Variants in KCNIP4 observed in about 807,000 individuals in gnomAD.
The protein encoded by KCNIP4 is potassium voltage-gated channel interacting protein 4.
In KCNIP4, 12 loss-of-function variants were observed where a neutral mutation model predicts 34.0. The observed-to-expected ratio is 0.35, with a 90% CI of 0.23 to 0.57. KCNIP4 has a LOEUF of 0.57. KCNIP4 is among the 20% of genes least tolerant of loss of function. The pLI is 0.83. For missense variants in KCNIP4, 238 were observed against 311.7 expected, an observed-to-expected ratio of 0.76 and a Z score of 1.78; for synonymous variants, 124 against 102.2, an observed-to-expected ratio of 1.21 and a Z score of -1.29.
intron 1 of KCNIP4, among the ~76,000 whole-genome samples, chr4:21,023,475 A>G (rs1740252138): frequency 6.6e-6 from 1 of 152,216 alleles, no homozygotes; most frequent in Non-Finnish European, 1.5e-5. Context: ...CAGCTTAATA[A>G]TCAAAAGAAA....
intron 1 of KCNIP4, among the ~76,000 whole-genome samples, chr4:21,274,841 G>A (rs1004991862): frequency 6.6e-6 from 1 of 151,712 alleles, no homozygotes; most frequent in Non-Finnish European, 1.5e-5. Flanking sequence ...TAAAGAGGAG[G>A]GTATCTTGCT....
intron 1 of KCNIP4, among the ~76,000 whole-genome samples, chr4:20,965,275 T>G (rs1377748083): frequency 6.6e-6 from 1 of 152,198 alleles, no homozygotes. Flanking sequence ...GAGCCTATAT[T>G]GCTTTTGATA....
At chr4:21,003,032 A>G (rs1738272330) in intron 1 of KCNIP4, among the ~76,000 whole-genome samples, 1 of 152,156 alleles carries the variant, frequency 6.6e-6, no homozygotes, top group South Asian at 2.1e-4. Flanking sequence ...TAGCATCATA[A>G]TGACAATCAC....
At chr4:21,177,236 T>G (rs1353929753) in intron 1 of KCNIP4, among the ~76,000 whole-genome samples, 2 of 152,164 alleles carry the variant, frequency 1.3e-5, no homozygotes, top group African/African-American at 4.8e-5. Context: ...AAAAGAGATT[T>G]GCTATATACT....
chr4:21,890,573 A>G (rs1446806902), intron 1 of KCNIP4, among the ~76,000 whole-genome samples: 3 of 152,110 alleles, frequency 2.0e-5, no homozygotes, highest in African/African-American at 7.2e-5. Context: ...ATGTACAGGC[A>G]GCTTCATACC....
chr4:21,191,926 AC>A (rs1270083235), intron 1 of KCNIP4, among the ~76,000 whole-genome samples: 1 of 152,174 alleles, frequency 6.6e-6, no homozygotes, highest in Admixed American at 6.5e-5. Context: ...CAATAACATG[AC>A]CTGAACCATG....
chr4:21,695,789 A>G (rs1387343991), intron 1 of KCNIP4, among the ~76,000 whole-genome samples: 1 of 151,260 alleles, frequency 6.6e-6, no homozygotes, highest in Non-Finnish European at 1.5e-5. Context: ...ACAACCATGG[A>G]AACCTCATGG....
chr4:21,420,409 T>A (rs960815915), intron 1 of KCNIP4, among the ~76,000 whole-genome samples: 1 of 152,182 alleles, frequency 6.6e-6, no homozygotes, highest in Non-Finnish European at 1.5e-5. Context: ...TTCTGTCCCC[T>A]GCCTCCAGTT....
intron 1 of KCNIP4, among the ~76,000 whole-genome samples, chr4:21,220,195 T>C (rs1757884531): frequency 6.6e-6 from 1 of 152,210 alleles, no homozygotes; most frequent in East Asian, 1.9e-4. Context: ...CCATTTTCAC[T>C]ATATGGCTAG....
At chr4:21,129,526 T>C (rs1750898863) in intron 1 of KCNIP4, among the ~76,000 whole-genome samples, 1 of 152,194 alleles carries the variant, frequency 6.6e-6, no homozygotes, top group Admixed American at 6.5e-5. Flanking sequence ...ATGCTCTTCA[T>C]CCAAGCATCA....
chr4:21,428,445 A>G (rs1726121948), intron 1 of KCNIP4, among the ~76,000 whole-genome samples: 1 of 152,162 alleles, frequency 6.6e-6, no homozygotes, highest in Non-Finnish European at 1.5e-5. Flanking sequence ...TTACATAAGA[A>G]TAATTCATAT....
At chr4:21,906,914 G>A (rs1202871785) in intron 1 of KCNIP4, among the ~76,000 whole-genome samples, 1 of 152,068 alleles carries the variant, frequency 6.6e-6, no homozygotes, top group East Asian at 1.9e-4. Flanking sequence ...GCTTCTAAAA[G>A]TTGCTTTTCT....
intron 3 of KCNIP4, among the ~76,000 whole-genome samples, chr4:20,776,030 A>T (rs1560456717): frequency 6.6e-6 from 1 of 152,350 alleles, no homozygotes; most frequent in East Asian, 1.9e-4. Context: ...TTCCAGGCAT[A>T]TAAAAGAGCT....
Position 20,893,171 on chromosome 4 carries a change from G to A in KCNIP4, c.62-10462C>T, listed in dbSNP as rs138588051. ...AGACTAAGGTACAGTCATTGACTAA[G>A]TGAATACTTCATTGCACTGTAAACA... On this transcript the variant is annotated intron_variant, in intron 1 of 8. Coordinates refer to ENST00000382152, the MANE Select transcript of KCNIP4 (RefSeq NM_025221.6). Among the ~76,000 whole-genome samples the A allele has an allele frequency of 1.4e-3, 211 of 152,294 alleles. 1 individual carries two copies. Among genetic ancestry groups the A allele is most frequent in the African/African-American group, 4.5e-3 (185 of 41,558 alleles).
At position 21,948,715 on chromosome 4, in the gene KCNIP4, CG is replaced by C; in HGVS notation, c.-85del. On this transcript the variant is annotated 5_prime_UTR_variant, in exon 1 of 9. Transcript: ENST00000382152. Reference sequence around the variant, plus strand: ...TCCACGGGTCTGCACGGGAGCGCACCGCCGCTCGGCCCGGGGGCGTCCGTGG... The same window carrying C: ...TCCACGGGTCTGCACGGGAGCGCACCCCGCTCGGCCCGGGGGCGTCCGTGG... 1 of 1,423,224 alleles carries C rather than the reference CG, an allele frequency of 7.0e-7. No individual in the cohort carries two copies. Among genetic ancestry groups the C allele is most frequent in the Non-Finnish European group, 9.3e-7 (1 of 1,069,542 alleles). The allele number at this position is 1,423,224 out of a possible 1,614,324, so 88.2% of individuals were successfully genotyped here.
At chr4:20,825,232 T>G (rs1215772307) in intron 3 of KCNIP4, among the ~76,000 whole-genome samples, 2 of 24,194 alleles carry the variant, frequency 8.3e-5, no homozygotes, top group Non-Finnish European at 1.4e-4. Flanking sequence ...TACGTTTTTT[T>G]TTTTTTTTTT....
At chr4:21,722,543 A>G (rs1714890649) in intron 1 of KCNIP4, among the ~76,000 whole-genome samples, 1 of 149,526 alleles carries the variant, frequency 6.7e-6, no homozygotes, top group Non-Finnish European at 1.5e-5. Flanking sequence ...TCCTCAGCCA[A>G]AAGTTTTCTT....
chr4:21,070,309 T>C (rs1435618890), intron 1 of KCNIP4, among the ~76,000 whole-genome samples: 2 of 152,162 alleles, frequency 1.3e-5, no homozygotes, highest in African/African-American at 4.8e-5. Context: ...GTGCAGATTG[T>C]TGTGTGTCTA....
intron 1 of KCNIP4, among the ~76,000 whole-genome samples, chr4:21,098,798 A>C (rs1281150656): frequency 1.3e-5 from 2 of 152,156 alleles, no homozygotes; most frequent in Admixed American, 1.3e-4. Flanking sequence ...TTTCTCATGT[A>C]ATTATTTAAT....
Sources: gnomAD v4.1 joint callset for allele counts (sites outside exome capture counted in the v4.1 genomes callset) on GRCh38, gnomAD v4.1.1 for gene constraint, MANE v1.5 for transcripts, NCBI Gene and HGNC (gene_info 2026-07-23, HGNC 2026-07-21) for gene names.